The following UNC13C variants were observed in gnomAD, a reference collection of about 807,000 sequenced individuals.
The protein encoded by UNC13C is unc-13 homolog C.
Under a neutral mutation model 245.4 loss-of-function variants are expected in UNC13C, and 174 were observed. The ratio of observed to expected loss-of-function variants is 0.71; its 90% CI spans 0.63 to 0.80. UNC13C has a LOEUF of 0.80. Among genes scored for constraint, UNC13C ranks in the 30% least tolerant of loss-of-function variants. UNC13C has a pLI of 0.00. For synonymous variants in UNC13C, 992 were observed against 895.1 expected (o/e 1.11, Z -1.93); for missense variants, 2,829 against 2,602.9 (o/e 1.09, Z -1.89).
chr15:54,560,868 A>G (rs1897272768), intron 29 of UNC13C, among the ~76,000 whole-genome samples: 1 of 152,020 alleles, frequency 6.6e-6, no homozygotes, highest in Non-Finnish European at 1.5e-5. Flanking sequence ...GTCATCACAT[A>G]CAAAGCAATT....
At chr15:54,407,891 G>A (rs1212399274) in intron 18 of UNC13C, among the ~76,000 whole-genome samples, 2 of 151,948 alleles carry the variant, frequency 1.3e-5, no homozygotes, top group Non-Finnish European at 2.9e-5. Flanking sequence ...CAATGCATGG[G>A]AATTTTTTTG....
intron 2 of UNC13C, among the ~76,000 whole-genome samples, chr15:54,026,331 A>G (rs1896107272): frequency 6.6e-6 from 1 of 152,228 alleles, no homozygotes; most frequent in South Asian, 2.1e-4. Context: ...TGATGAGATC[A>G]GGTGACAGGC....
At chr15:54,020,402 G>A (rs2141002628) in intron 2 of UNC13C, among the ~76,000 whole-genome samples, 1 of 147,480 alleles carries the variant, frequency 6.8e-6, no homozygotes, top group South Asian at 2.2e-4. Context: ...AGCCTCCCGA[G>A]TAGCTGAGAC....
At chr15:54,306,871 C>T (rs2037738926) in intron 13 of UNC13C, among the ~76,000 whole-genome samples, 1 of 151,944 alleles carries the variant, frequency 6.6e-6, no homozygotes, top group Admixed American at 6.6e-5. Context: ...TGTTTGGATA[C>T]AGGTTACTTT....
chr15:54,179,293 A>G (rs995016179), intron 4 of UNC13C, among the ~76,000 whole-genome samples: 2 of 152,162 alleles, frequency 1.3e-5, no homozygotes. Flanking sequence ...GATAATCAAA[A>G]GAAACAAAAT....
intron 2 of UNC13C, among the ~76,000 whole-genome samples, chr15:54,113,551 A>G (rs1247957403): frequency 2.0e-5 from 3 of 152,094 alleles, no homozygotes; most frequent in Non-Finnish European, 4.4e-5. Context: ...GTTGCTTGTT[A>G]AAACATTATA....
intron 2 of UNC13C, among the ~76,000 whole-genome samples, chr15:54,092,281 C>T (rs1899615922): frequency 6.6e-6 from 1 of 152,170 alleles, no homozygotes; most frequent in African/African-American, 2.4e-5. Context: ...TTACTGTGAG[C>T]TTCCATAATC....
At chr15:54,000,808 A>G (rs1297739313) in intron 1 of UNC13C, among the ~76,000 whole-genome samples, 1 of 152,224 alleles carries the variant, frequency 6.6e-6, no homozygotes, top group Non-Finnish European at 1.5e-5. Context: ...TTTAGACTTC[A>G]TAAATTAGAC....
At chr15:54,093,405 A>G (rs1425909195) in intron 2 of UNC13C, among the ~76,000 whole-genome samples, 2 of 152,152 alleles carry the variant, frequency 1.3e-5, no homozygotes, top group Admixed American at 6.5e-5. Context: ...CGTTAGTATT[A>G]CTCCTTAAAT....
chr15:54,095,085 AT>A (rs1422906775), intron 2 of UNC13C, among the ~76,000 whole-genome samples: 1 of 152,052 alleles, frequency 6.6e-6, no homozygotes, highest in African/African-American at 2.4e-5. Context: ...AATGCACATC[AT>A]TTGTCCAATG....
chr15:54,247,732 G>A (rs1474494831), intron 7 of UNC13C, among the ~76,000 whole-genome samples: 1 of 149,824 alleles, frequency 6.7e-6, no homozygotes, highest in Non-Finnish European at 1.5e-5. Context: ...CCATTCAATT[G>A]CTTTTCAATG....
At position 54,013,853 on chromosome 15, in the gene UNC13C, G is replaced by A; in HGVS notation, c.950G>A (p.Ser317Asn). 6.2e-7 allele frequency: 1 copy of A among 1,613,508 alleles called. No homozygotes were observed. The highest frequency in any genetic ancestry group is 8.5e-7 in the Non-Finnish European group (1 of 1,179,722). The change falls in exon 2 of 33, where the codon AGC becomes AAC. Residue 317 changes from serine to asparagine, a missense_variant. Transcript: ENST00000260323. ...ATTAAGCACTTAGGTCATATGGGTA[G>A]CAAGGCAAGCCTGAGATTTTTAAAT... ...DYIKHLGHMGSKASLRFLNVT... is the reference protein window; with the variant it reads ...DYIKHLGHMGNKASLRFLNVT...
chr15:54,114,782 T>C (rs891721701), intron 2 of UNC13C, among the ~76,000 whole-genome samples: 1 of 152,328 alleles, frequency 6.6e-6, no homozygotes, highest in Non-Finnish European at 1.5e-5. Context: ...TCAGAATCTT[T>C]GTATAAATTT....
At chr15:54,042,583 G>T (rs1896851837) in intron 2 of UNC13C, among the ~76,000 whole-genome samples, 1 of 152,194 alleles carries the variant, frequency 6.6e-6, no homozygotes, top group Non-Finnish European at 1.5e-5. Context: ...GCCGGGTGTG[G>T]TGGGTCACGC....
chr15:53,946,495 T>C, the UNC13C span, among the ~76,000 whole-genome samples: 2 of 150,270 alleles, frequency 1.3e-5, no homozygotes, highest in Non-Finnish European at 3.0e-5. Flanking sequence ...TCACCCATGC[T>C]GGATCACCTG....
At chr15:54,499,160 A>T (rs1894087610) in intron 20 of UNC13C, among the ~76,000 whole-genome samples, 1 of 152,098 alleles carries the variant, frequency 6.6e-6, no homozygotes, top group Non-Finnish European at 1.5e-5. Flanking sequence ...AATCATGGCA[A>T]AAGGCAAAGA....
intron 18 of UNC13C, among the ~76,000 whole-genome samples, chr15:54,405,051 A>G (rs1004839237): frequency 6.6e-6 from 1 of 152,146 alleles, no homozygotes; most frequent in African/African-American, 2.4e-5. Flanking sequence ...TCTCATTTAT[A>G]CTTAGAATTT....
chr15:54,190,846 G>T (rs566372549), intron 4 of UNC13C, among the ~76,000 whole-genome samples: 78 of 151,700 alleles, frequency 5.1e-4, no homozygotes, highest in African/African-American at 1.6e-3. Flanking sequence ...ATTTTTGTTT[G>T]TTCTTTTTAT....
chr15:54,500,246 GA>G, intron 21 of UNC13C, 71 bp downstream of exon 21: 1 of 1,090,164 alleles, frequency 9.2e-7, no homozygotes, highest in Non-Finnish European at 1.3e-6. Context: ...AACCTAATGG[GA>G]ATTATTAGAC....
Sources: allele counts gnomAD v4.1 joint callset (sites outside exome capture counted in the v4.1 genomes callset), GRCh38; gene constraint gnomAD v4.1.1; transcripts MANE v1.5; gene names NCBI Gene and HGNC (gene_info 2026-07-23, HGNC 2026-07-21).